Variants in NKAIN4 observed in about 807,000 individuals in gnomAD.
The protein encoded by NKAIN4 is sodium/potassium-transporting ATPase subunit beta-1-interacting protein 4.
In NKAIN4, 28 loss-of-function variants were observed where a neutral mutation model predicts 28.8. The observed-to-expected ratio is 0.97, with a 90% CI of 0.72 to 1.33. The LOEUF is 1.33. NKAIN4 is among the 40% of genes most tolerant of loss of function. The pLI, the probability that NKAIN4 is intolerant of heterozygous loss-of-function variation, is 0.00. For missense variants in NKAIN4, 289 were observed against 277.2 expected (o/e 1.04, Z -0.30); for synonymous variants, 122 against 115.6 (o/e 1.06, Z -0.36).
At chr20:63,253,630 T>C (rs894101090) in intron 1 of NKAIN4, among the ~76,000 whole-genome samples, 1 of 152,158 alleles carries the variant, frequency 6.6e-6, no homozygotes, top group Non-Finnish European at 1.5e-5. Context: ...GGCGAGGCCT[T>C]TGTTTAGCCC....
At position 63,245,251 on chromosome 20, in the gene NKAIN4, C is replaced by T. The variant is rs551914700; in HGVS notation, c.472-1167G>A. On this transcript the variant is annotated intron_variant, in intron 4 of 6. Transcript: ENST00000370316. The surrounding 1 kb of genome is among the most constrained non-coding windows in gnomAD (Gnocchi z 4.7). ...TATTGAGACAAGCTCAAGAAGCTGT[C>T]CCAAATGGCCATTTCTGGTTCCATG... Among the ~76,000 whole-genome samples, 61 of 152,292 alleles carry T rather than the reference C, an allele frequency of 4.0e-4. No homozygotes were observed. The highest frequency in any genetic ancestry group is 2.1e-3 in the South Asian group (10 of 4,830).
rs1283901806 is a variant in NKAIN4, at chr20:63,254,402, GA to G, written c.48del (p.Gln17SerfsTer74). 6.9e-7 allele frequency: 1 copy of G among 1,452,148 alleles called. No individual in the cohort carries two copies. The highest frequency in any genetic ancestry group is 3.0e-5 in the East Asian group (1 of 32,860). 90.0% of individuals were successfully genotyped at this position (1,452,148 alleles called of 1,614,324 possible). A position where few individuals can be genotyped will look rare whatever the true frequency, so the allele number is the denominator to read the frequency against. ...GRCALVVLCA[F>X]QLVAALERQV... ...GCGGAGGGGTCGCCACTCACCAGCT[GA>G]AAAGCGCAGAGGACGACGAGCGCGC... On this transcript the variant is annotated frameshift_variant, in exon 1 of 7. Coordinates refer to ENST00000370316, the MANE Select transcript of NKAIN4 (RefSeq NM_152864.4). LOFTEE classifies it high-confidence loss of function.
chr20:63,242,594 G>A lies in NKAIN4; in HGVS notation c.562C>T (p.Pro188Ser), dbSNP rs752484769. 19 of 1,613,142 alleles carry A rather than the reference G, an allele frequency of 1.2e-5. No individual in the cohort carries two copies. Among genetic ancestry groups the A allele is most frequent in the East Asian group, 2.2e-5 (1 of 44,892 alleles). ...GGCTTTTCATTGACATGGTAGAGAGGAAATGGATCAAATCCACCAATGAAA... is the reference window on the plus strand; with the variant it reads ...GGCTTTTCATTGACATGGTAGAGAGAAAATGGATCAAATCCACCAATGAAA... ...FDFIGGFDPF[P>S]LYHVNEKPSS... The change falls in exon 6 of 7, where the codon CCT (proline) becomes TCT (serine). Residue 188 changes from proline to serine, a missense_variant. Coordinates refer to ENST00000370316, the MANE Select transcript of NKAIN4 (RefSeq NM_152864.4).
rs1001257150 is a variant in NKAIN4, at chr20:63,245,390, C to A, written c.472-1306G>T. Among the ~76,000 whole-genome samples, 10 of 152,148 alleles carry A rather than the reference C, an allele frequency of 6.6e-5. No individual in the cohort carries two copies. Among genetic ancestry groups the A allele is most frequent in the African/African-American group, 2.4e-4 (10 of 41,424 alleles). ...TCCCGGAGCTGGCCGTGGCGCCGAACAGGCAGCCGAGCTTGGGGAGCCATT... is the reference window on the plus strand; with the variant it reads ...TCCCGGAGCTGGCCGTGGCGCCGAAAAGGCAGCCGAGCTTGGGGAGCCATT... On this transcript the variant is annotated intron_variant, in intron 4 of 6. Transcript: ENST00000370316. The surrounding 1 kb of genome is among the most constrained non-coding windows in gnomAD (Gnocchi z 4.7).
chr20:63,253,006 C>G (rs1253399449), intron 1 of NKAIN4, among the ~76,000 whole-genome samples: 2 of 152,188 alleles, frequency 1.3e-5, no homozygotes, highest in Admixed American at 1.3e-4. Flanking sequence ...TAGTGTCCCC[C>G]AAAGCAGCCT....
chr20:63,244,172 G>T, intron 4 of NKAIN4, 88 bp from the exon 5 acceptor site: 1 of 1,186,936 alleles, frequency 8.4e-7, no homozygotes, highest in Non-Finnish European at 1.2e-6. Flanking sequence ...GCACTGGAGC[G>T]CCCCTGACCA....
intron 1 of NKAIN4, chr20:63,253,435 G>T: frequency 1.0e-6 from 1 of 985,472 alleles, no homozygotes; most frequent in Non-Finnish European, 1.2e-6. Context: ...GCACAGCCAC[G>T]GACTCCGAGG....
chr20:63,248,873 C>A lies in NKAIN4; in HGVS notation c.215G>T (p.Trp72Leu). The A allele has an allele frequency of 6.2e-7, 1 of 1,612,808 alleles. No individual in the cohort carries two copies. The highest frequency in any genetic ancestry group is 1.1e-5 in the South Asian group (1 of 91,074). The change falls in exon 3 of 7, where the codon TGG (tryptophan) becomes TTG (leucine). Residue 72 changes from tryptophan to leucine, a missense_variant. Coordinates refer to ENST00000370316, the MANE Select transcript of NKAIN4 (RefSeq NM_152864.4). The part of the protein sequence containing the change: ...VMVYTLWAAV[W>L]VTWNVFIICF... The stretch of plus-strand genomic sequence containing the variant: ...GATGATGAAGACGTTCCAGGTGACC[C>A]AGACGGCTGCCCACAGCGTGTACTA...
rs549900694 is a variant in NKAIN4, at chr20:63,241,335, C to G, written c.*162G>C. On this transcript the variant is annotated 3_prime_UTR_variant, in exon 7 of 7. Transcript: ENST00000370316. ...GCAGCCAGCCGTGGCACTGCCCTGCCGCCCTGGCTGGTGTCCAGTACTTAG... is the reference window on the plus strand; with the variant it reads ...GCAGCCAGCCGTGGCACTGCCCTGCGGCCCTGGCTGGTGTCCAGTACTTAG... 8 of 648,838 alleles carry G rather than the reference C, an allele frequency of 1.2e-5. No individual in the cohort carries two copies. In the East Asian group the frequency reaches 2.0e-4, roughly 16 times the overall value. 40.2% of individuals were successfully genotyped at this position (648,838 alleles called of 1,614,324 possible).
chr20:63,247,554 G>T, intron 4 of NKAIN4, 24 bp downstream of exon 4: 1 of 1,540,676 alleles, frequency 6.5e-7, no homozygotes, highest in South Asian at 1.2e-5. Flanking sequence ...ATCCCCACCC[G>T]GGGGCCCCCT....
rs530409053 is a variant in NKAIN4 at position 63,254,002 on chromosome 20, G to C, written c.54+395C>G. 7.7e-4 allele frequency: 146 copies of C among 189,554 alleles called. 1 individual carries two copies. In the South Asian group the frequency reaches 0.01, roughly 13 times the overall value. 11.7% of individuals were successfully genotyped at this position (189,554 alleles called of 1,614,324 possible). On this transcript the variant is annotated intron_variant, in intron 1 of 6. Transcript: ENST00000370316. ...ACTCGGCGCCCGGGGCCGGCTGCGG[G>C]AAACGCTCGCACAGACAGAGACAGG...
At chr20:63,246,453 T>C (rs1209430450) in intron 4 of NKAIN4, 51 of 973,286 alleles carry the variant, frequency 5.2e-5, no homozygotes, top group Non-Finnish European at 6.1e-5. Flanking sequence ...GGGCAGCACC[T>C]TCCTGGCCTG....
At position 63,242,534 on chromosome 20, in the gene NKAIN4, C is replaced by T. The variant is rs750453870; in HGVS notation, c.617+5G>A. ...CGCAGAGCAGGTTCTGCCAGCCATACTTACAAGTACACCTGCTTGGACAAG... is the reference window on the plus strand; with the variant it reads ...CGCAGAGCAGGTTCTGCCAGCCATATTTACAAGTACACCTGCTTGGACAAG... On this transcript the variant is annotated splice_donor_5th_base_variant and intron_variant, in intron 6 of 6. Coordinates refer to ENST00000370316, the MANE Select transcript of NKAIN4 (RefSeq NM_152864.4). 2 of 1,607,984 alleles carry T rather than the reference C, an allele frequency of 1.2e-6. No individual in the cohort carries two copies. The highest frequency in any genetic ancestry group is 1.7e-6 in the Non-Finnish European group (2 of 1,174,746).
rs577062693 is a variant in NKAIN4, at chr20:63,242,692, G to A, written c.533-69C>T. On this transcript the variant is annotated intron_variant, in intron 5 of 6. Transcript: ENST00000370316. ...GAAAAGATGTCAGAGTGGAAAACAA[G>A]CCCAACCAGACAAAGAAGCCCAAGG... is the stretch of plus-strand genomic sequence containing the variant. The A allele has an allele frequency of 7.5e-6, 8 of 1,066,344 alleles. No homozygotes were observed. In the African/African-American group the frequency reaches 1.0e-4, roughly 13 times the overall value. 66.1% of individuals were successfully genotyped at this position (1,066,344 alleles called of 1,614,324 possible).
At chr20:63,247,016 A>T in intron 4 of NKAIN4, 1 of 1,002,566 alleles carries the variant, frequency 1.0e-6, no homozygotes, top group Non-Finnish European at 1.2e-6. Flanking sequence ...CACAAGCAAC[A>T]GCTGCTCCTC....
intron 1 of NKAIN4, chr20:63,253,385 C>T: frequency 1.0e-6 from 1 of 985,446 alleles, no homozygotes; most frequent in Non-Finnish European, 1.2e-6. Flanking sequence ...GGTCCGCCCG[C>T]AAGCCTGTGC....
chr20:63,249,812 G>A (rs747406719), intron 2 of NKAIN4, 123 bp downstream of exon 2: 5 of 1,024,002 alleles, frequency 4.9e-6, no homozygotes, highest in Non-Finnish European at 7.1e-6. Context: ...CCAGGGGTCT[G>A]GGTTGGCATT....
intron 2 of NKAIN4, chr20:63,249,122 G>T: frequency 1.9e-6 from 1 of 536,704 alleles, no homozygotes; most frequent in Non-Finnish European, 3.4e-6. Context: ...GAGGCGGTGG[G>T]ACAGCCAGCT....
intron 5 of NKAIN4, among the ~76,000 whole-genome samples, chr20:63,243,439 C>T (rs775493979): frequency 6.6e-6 from 1 of 152,130 alleles, no homozygotes. Flanking sequence ...TGGGCACACC[C>T]AGACCCTGCT....
Sources: gnomAD v4.1 joint callset for allele counts (sites outside exome capture counted in the v4.1 genomes callset) on GRCh38, gnomAD v4.1.1 for gene constraint, Gnocchi (gnomAD v3.1) non-coding constraint, MANE v1.5 for transcripts, NCBI Gene and HGNC (gene_info 2026-07-23, HGNC 2026-07-21) for gene names.